Variants in GAS7 observed in about 807,000 individuals in gnomAD.
GAS7 encodes growth arrest specific 7, also known as growth arrest-specific protein 7.
In GAS7, 28 loss-of-function variants were observed where a neutral mutation model predicts 71.1. The observed-to-expected ratio is 0.39, with a 90% CI of 0.29 to 0.54. GAS7 has a LOEUF of 0.54. Among genes scored for constraint, GAS7 ranks in the 20% least tolerant of loss-of-function variants. GAS7 has a pLI of 0.62. For synonymous variants in GAS7, 258 were observed against 245.8 expected (o/e 1.05, Z -0.46); for missense variants, 436 against 627.8 (o/e 0.69, Z 3.27).
intron 1 of GAS7, among the ~76,000 whole-genome samples, chr17:10,086,000 G>A (rs552637173): frequency 1.3e-5 from 2 of 152,292 alleles, no homozygotes; most frequent in Admixed American, 1.3e-4. Context: ...CTTCAATGAG[G>A]TGTCAGAGGC....
At position 9,948,997 on chromosome 17, in the gene GAS7, A is replaced by G. The variant is rs982347818; in HGVS notation, c.526-2014T>C. On this transcript the variant is annotated intron_variant, in intron 5 of 13. Coordinates refer to ENST00000432992, the MANE Select transcript of GAS7 (RefSeq NM_201433.2). The stretch of plus-strand genomic sequence containing the variant: ...GATGCAGCCCTGAGGTTTTGGGCCC[A>G]GGACACAAACTCCAATGCTAGGCGG... Among the ~76,000 whole-genome samples the G allele has an allele frequency of 2.6e-5, 4 of 152,260 alleles. No individual in the cohort carries two copies. In the East Asian group the frequency reaches 5.8e-4, roughly 22 times the overall value.
chr17:10,190,984 T>G (rs1294468616), intron 1 of GAS7, among the ~76,000 whole-genome samples: 1 of 151,558 alleles, frequency 6.6e-6, no homozygotes, highest in African/African-American at 2.4e-5. Flanking sequence ...AAGACCAGAC[T>G]GACCAACATG....
intron 5 of GAS7, among the ~76,000 whole-genome samples, chr17:9,957,461 G>A (rs766876714): frequency 1.3e-5 from 2 of 152,196 alleles, no homozygotes; most frequent in Non-Finnish European, 2.9e-5. Flanking sequence ...CCACCCTGTG[G>A]CCTGGGCACC....
chr17:9,974,231 AC>A lies in GAS7; in HGVS notation c.386-4470del, dbSNP rs1259203375. 1.3e-5 allele frequency among the ~76,000 whole-genome samples: 2 copies of A among 152,178 alleles called. No homozygotes were observed. Among genetic ancestry groups the A allele is most frequent in the East Asian group, 3.8e-4 (2 of 5,204 alleles). ...CCCCACGTAGCAGCTCTCCTCGGAC[AC>A]CCTGTCTGGCTGCGTTATCACTTGA... is the stretch of plus-strand genomic sequence containing the variant. On this transcript the variant is annotated intron_variant, in intron 3 of 13. Coordinates refer to ENST00000432992, the MANE Select transcript of GAS7 (RefSeq NM_201433.2). This position sits in a 1 kb window ranked among gnomAD's most constrained non-coding sequence, Gnocchi z 4.0.
At chr17:10,037,093 T>C (rs1258646096) in intron 1 of GAS7, among the ~76,000 whole-genome samples, 1 of 152,252 alleles carries the variant, frequency 6.6e-6, no homozygotes, top group Non-Finnish European at 1.5e-5. Context: ...TGTGGAAAGC[T>C]GGTGCCTCCA....
Position 9,926,916 on chromosome 17 carries a change from C to T in GAS7, c.886-147G>A. ...CGACCTGGCAGGAAGGTGAGAGACACCCCCTGACACGTGGCTGCCTATCAG... is the reference window on the plus strand; with the variant it reads ...CGACCTGGCAGGAAGGTGAGAGACATCCCCTGACACGTGGCTGCCTATCAG... On this transcript the variant is annotated intron_variant, in intron 9 of 13. Coordinates refer to ENST00000432992, the MANE Select transcript of GAS7 (RefSeq NM_201433.2). The surrounding 1 kb of genome is among the most constrained non-coding windows in gnomAD (Gnocchi z 5.0). 1 of 761,986 alleles carries T rather than the reference C, an allele frequency of 1.3e-6. No homozygotes were observed. Among genetic ancestry groups the T allele is most frequent in the Admixed American group, 2.1e-5 (1 of 47,060 alleles). The allele number at this position is 761,986 out of a possible 1,614,324, so 47.2% of individuals were successfully genotyped here.
intron 1 of GAS7, among the ~76,000 whole-genome samples, chr17:10,196,564 C>G (rs1325315442): frequency 6.6e-6 from 1 of 152,208 alleles, no homozygotes; most frequent in Non-Finnish European, 1.5e-5. Context: ...TCCCCTGGCC[C>G]TGGTCCATCG....
chr17:9,917,256 T>C lies in GAS7; in HGVS notation c.1403A>G (p.Asn468Ser), dbSNP rs1376537398. 3.1e-6 allele frequency: 5 copies of C among 1,611,946 alleles called. No individual in the cohort carries two copies. The highest frequency in any genetic ancestry group is 1.7e-5 in the Admixed American group (1 of 60,012). Residue 468 changes from asparagine to serine, a missense_variant, in exon 14 of 14, where the codon AAC (asparagine) becomes AGC (serine). Coordinates refer to ENST00000432992, the MANE Select transcript of GAS7 (RefSeq NM_201433.2). ...ELWVREHKTG[N>S]IRPVDMEI ...GATCTCCATGTCCACAGGGCGGATG[T>C]TGCCCGTCTTGTGCTCTCTGACCCA...
Position 10,038,695 on chromosome 17 carries a change from ATTTT to A in GAS7, c.184-18802_184-18799del, listed in dbSNP as rs71365709. The stretch of plus-strand genomic sequence containing the variant: ...ATTACTCAGCCTTAAGAAGGAAGGA[ATTTT>A]TTTTTTTTTTTTTTTTTTGAGACGA... On this transcript the variant is annotated intron_variant, in intron 1 of 13. Transcript: ENST00000432992. 1.6e-3 allele frequency among the ~76,000 whole-genome samples: 198 copies of A among 121,172 alleles called. 1 individual carries two copies. Among genetic ancestry groups the A allele is most frequent in the African/African-American group, 6.1e-3 (187 of 30,508 alleles). The allele number at this position is 121,172 out of a possible 152,430, so 79.5% of individuals were successfully genotyped here. A position where few individuals can be genotyped will look rare whatever the true frequency, so the allele number is the denominator to read the frequency against.
intron 1 of GAS7, among the ~76,000 whole-genome samples, chr17:10,071,346 G>A (rs2073337875): frequency 6.6e-6 from 1 of 152,132 alleles, no homozygotes; most frequent in African/African-American, 2.4e-5. Flanking sequence ...CTGGGTCTGT[G>A]CCCAGGATAC....
Position 10,019,817 on chromosome 17 carries a change from C to T in GAS7, c.264G>A (p.Ser88=), listed in dbSNP as rs761154547. 55 of 1,613,874 alleles carry T rather than the reference C, an allele frequency of 3.4e-5. No individual in the cohort carries two copies. The highest frequency in any genetic ancestry group is 1.6e-4 in the South Asian group (15 of 91,078). The change falls in exon 2 of 14, where the codon TCG becomes TCA. Residue 88 remains serine, a synonymous_variant. Transcript: ENST00000432992. ...TGACATAGTACCGCCGGCCCTGAGG[C>T]GACAGGTAGCTCTGCCAGCCAGGTG... ...ILPPGWQSYL[S]PQGRRYYVNT... is the part of the protein sequence containing the mutation.
intron 2 of GAS7, among the ~76,000 whole-genome samples, chr17:10,018,236 C>T (rs1042094887): frequency 6.6e-5 from 10 of 151,906 alleles, no homozygotes; most frequent in African/African-American, 9.7e-5. Flanking sequence ...AATTTTTTAC[C>T]GTGAAAACAA....
intron 4 of GAS7, among the ~76,000 whole-genome samples, chr17:9,968,672 G>A (rs149641407): frequency 7.2e-5 from 11 of 152,248 alleles, no homozygotes; most frequent in South Asian, 2.1e-4. Context: ...TAAGAACCAC[G>A]GTCTCAGATG....
chr17:9,963,609 C>T (rs1289682335), intron 4 of GAS7, among the ~76,000 whole-genome samples: 1 of 151,972 alleles, frequency 6.6e-6, no homozygotes, highest in Non-Finnish European at 1.5e-5. Flanking sequence ...TGGCGCACAC[C>T]TGTAACCCTA....
At chr17:10,154,420 C>T (rs1447579141) in intron 1 of GAS7, among the ~76,000 whole-genome samples, 1 of 151,980 alleles carries the variant, frequency 6.6e-6, no homozygotes, top group Non-Finnish European at 1.5e-5. Flanking sequence ...GGGAGGATTG[C>T]TTGAACCCAG....
At chr17:10,176,070 T>C (rs577482204) in intron 1 of GAS7, among the ~76,000 whole-genome samples, 16 of 152,322 alleles carry the variant, frequency 1.1e-4, no homozygotes, top group South Asian at 1.0e-3. Context: ...TTCTCGGCTA[T>C]ATCCCAGGGT....
At chr17:9,978,325 T>C (rs539692275) in intron 3 of GAS7, among the ~76,000 whole-genome samples, 13 of 149,512 alleles carry the variant, frequency 8.7e-5, no homozygotes, top group African/African-American at 3.0e-4. Context: ...AGGAGAAACA[T>C]GCCCAAGGCC....
rs59048492 is a variant in GAS7 at position 9,951,760 on chromosome 17, CAA to C, written c.526-4779_526-4778del. Among the ~76,000 whole-genome samples the C allele has an allele frequency of 9.0e-3, 622 of 68,984 alleles. 3 individuals are homozygous for C. The highest frequency in any genetic ancestry group is 0.025 in the African/African-American group (538 of 21,630). The allele number at this position is 68,984 out of a possible 152,430, so 45.3% of individuals were successfully genotyped here. ...GGGCAACAAGAGCAAAACTCTGTCT[CAA>C]AAAAAAAAAAAAAAAAAAAAAAAAC... On this transcript the variant is annotated intron_variant, in intron 5 of 13. Coordinates refer to ENST00000432992, the MANE Select transcript of GAS7 (RefSeq NM_201433.2).
At chr17:10,001,135 C>T (rs1013852962) in intron 2 of GAS7, among the ~76,000 whole-genome samples, 1 of 152,076 alleles carries the variant, frequency 6.6e-6, no homozygotes, top group African/African-American at 2.4e-5. Flanking sequence ...TAGCAACACC[C>T]CAAAATACAA....
Sources: gnomAD v4.1 joint callset for allele counts (sites outside exome capture counted in the v4.1 genomes callset) on GRCh38, gnomAD v4.1.1 for gene constraint, Gnocchi (gnomAD v3.1) non-coding constraint, MANE v1.5 for transcripts, NCBI Gene and HGNC (gene_info 2026-07-23, HGNC 2026-07-21) for gene names.